The following ROBO1 variants were observed in gnomAD, a reference collection of about 807,000 sequenced individuals.
The protein encoded by ROBO1 is roundabout guidance receptor 1.
In ROBO1, 149 loss-of-function variants were observed where a neutral mutation model predicts 195.9. That is an observed-to-expected ratio of 0.76 (90% confidence interval 0.67 to 0.87). The LOEUF is 0.87. ROBO1 is among the 40% of genes least tolerant of loss of function. The pLI is 0.00. For missense variants in ROBO1, 1,933 were observed against 2,068.3 expected (o/e 0.93, Z 1.27); for synonymous variants, 816 against 733.2 (o/e 1.11, Z -1.82).
chr3:79,216,620 C>G (rs2082059890), intron 2 of ROBO1, among the ~76,000 whole-genome samples: 1 of 151,954 alleles, frequency 6.6e-6, no homozygotes, highest in African/African-American at 2.4e-5. Context: ...AACATACCAT[C>G]TACACTACAA....
chr3:79,272,756 C>T (rs1422283208), intron 2 of ROBO1, among the ~76,000 whole-genome samples: 4 of 152,052 alleles, frequency 2.6e-5, no homozygotes, highest in Non-Finnish European at 4.4e-5. Context: ...ATTCATCCCC[C>T]ACTTTAGCCC....
intron 28 of ROBO1, among the ~76,000 whole-genome samples, chr3:78,611,909 C>A (rs1253460046): frequency 1.3e-5 from 2 of 152,140 alleles, no homozygotes; most frequent in Admixed American, 6.6e-5. Flanking sequence ...TCAGAAGAAA[C>A]CACTCCTACT....
intron 5 of ROBO1, among the ~76,000 whole-genome samples, chr3:78,736,924 C>T (rs1467615076): frequency 6.6e-6 from 1 of 152,146 alleles, no homozygotes; most frequent in Non-Finnish European, 1.5e-5. Flanking sequence ...TTAACCAGTA[C>T]TTTGCATCTG....
At chr3:78,658,877 A>G (rs1014201291) in intron 17 of ROBO1, among the ~76,000 whole-genome samples, 2 of 152,134 alleles carry the variant, frequency 1.3e-5, no homozygotes, top group South Asian at 2.1e-4. Flanking sequence ...CAAAGCCACA[A>G]ACTGATTTTG....
intron 1 of ROBO1, among the ~76,000 whole-genome samples, chr3:79,698,772 C>T (rs1274365260): frequency 6.6e-6 from 1 of 151,470 alleles, no homozygotes; most frequent in Admixed American, 6.6e-5. Flanking sequence ...AGTGTTTAGT[C>T]AGGCAGCAAG....
At position 78,606,928 on chromosome 3, in the gene ROBO1, T is replaced by C; in HGVS notation, c.4549A>G (p.Arg1517Gly). ...TTTCTGTCTGATGATCTGTCTGTTC[T>C]TGCATCCATAGAAGGGAGTTTTGGC... Reference protein sequence around the residue: ...VVPKLPSMDARTDRSSDRKGS... With the variant: ...VVPKLPSMDAGTDRSSDRKGS... The change falls in exon 29 of 31, where the codon AGA becomes GGA. Residue 1517 changes from arginine (R) to glycine (G), a missense_variant. Physicochemically the swap from Arg to Gly is moderately radical, Grantham distance 125. Around this residue, in one of 3 missense-constraint regions of ROBO1, gnomAD observed 1,737 missense variants for 1,882.5 expected, o/e 0.92. Coordinates refer to ENST00000464233, the MANE Select transcript of ROBO1 (RefSeq NM_002941.4). The C allele has an allele frequency of 6.2e-7, 1 of 1,613,946 alleles. No individual in the cohort carries two copies. Among genetic ancestry groups the C allele is most frequent in the Non-Finnish European group, 8.5e-7 (1 of 1,179,888 alleles).
intron 3 of ROBO1, among the ~76,000 whole-genome samples, chr3:79,096,673 T>C (rs1356387144): frequency 6.6e-6 from 1 of 151,054 alleles, no homozygotes; most frequent in Non-Finnish European, 1.5e-5. Flanking sequence ...TATGTGTATA[T>C]ATATGTGTGT....
rs756968363 is a variant in ROBO1 at position 78,617,988 on chromosome 3, G to T, written c.3929C>A (p.Thr1310Asn). Residue 1310 changes from threonine (T) to asparagine (N), a missense_variant, in exon 27 of 31, where the codon ACC becomes AAC. By Grantham distance (65) the Thr-to-Asn change is moderately conservative (BLOSUM62 0). Transcript: ENST00000464233. ...CAGGGGTCCTGAAATGTAGCCATAG[G>T]TATGTGGAGGGGAGATCGGCCGTGG... is the stretch of plus-strand genomic sequence containing the variant. ...PPPRPISPPH[T>N]YGYISGPLVS... 2 of 1,613,870 alleles carry T rather than the reference G, an allele frequency of 1.2e-6. No homozygotes were observed. Among genetic ancestry groups the T allele is most frequent in the African/African-American group, 1.3e-5 (1 of 74,936 alleles).
chr3:78,913,329 T>C (rs1250500462), intron 4 of ROBO1, among the ~76,000 whole-genome samples: 1 of 152,126 alleles, frequency 6.6e-6, no homozygotes, highest in Non-Finnish European at 1.5e-5. Flanking sequence ...TGTGGCCCTT[T>C]TATATTTACA....
chr3:78,693,747 A>G (rs908418794), intron 8 of ROBO1, among the ~76,000 whole-genome samples: 5 of 152,224 alleles, frequency 3.3e-5, no homozygotes, highest in Admixed American at 3.3e-4. Flanking sequence ...GAAATCAAAA[A>G]TTGATTATTT....
chr3:79,159,381 C>T (rs187609434), intron 2 of ROBO1, among the ~76,000 whole-genome samples: 74 of 151,994 alleles, frequency 4.9e-4, no homozygotes, highest in Admixed American at 2.0e-3. Flanking sequence ...AAGTTTGTAT[C>T]AATAGTGTTG....
chr3:79,057,438 A>G (rs952454020), intron 3 of ROBO1, among the ~76,000 whole-genome samples: 1 of 152,066 alleles, frequency 6.6e-6, no homozygotes, highest in African/African-American at 2.4e-5. Flanking sequence ...CATCCGTGTC[A>G]GAGACCACCC....
In ROBO1 at chr3:79,197,544, A is replaced by C. The variant is rs148800759; in HGVS notation, c.89-72005T>G. On this transcript the variant is annotated intron_variant, in intron 2 of 30. Coordinates refer to ENST00000464233, the MANE Select transcript of ROBO1 (RefSeq NM_002941.4). ...AGTAGAATGATTTATAATCCTTTGG[A>C]TATATACCCAGTAATGGGATTGCTG... 8.6e-3 allele frequency among the ~76,000 whole-genome samples: 1,314 copies of C among 151,920 alleles called. 25 individuals are homozygous for C. The highest frequency in any genetic ancestry group is 0.03 in the African/African-American group (1,252 of 41,484).
At chr3:79,638,028 A>G (rs1945547622) in intron 1 of ROBO1, among the ~76,000 whole-genome samples, 1 of 152,182 alleles carries the variant, frequency 6.6e-6, no homozygotes. Context: ...GTTGAACAGA[A>G]CCTAATGCAA....
chr3:78,899,741 C>G (rs2037470827), intron 4 of ROBO1, among the ~76,000 whole-genome samples: 1 of 152,076 alleles, frequency 6.6e-6, no homozygotes, highest in Admixed American at 6.5e-5. Flanking sequence ...CACTATTTCT[C>G]TCATTTTCTG....
intron 2 of ROBO1, among the ~76,000 whole-genome samples, chr3:79,530,755 C>CCA (rs59568172): frequency 0.12 from 15,264 of 127,996 alleles, 897 homozygotes; most frequent in East Asian, 0.14. Flanking sequence ...CACCTTGTAA[C>CCA]CACACACACA....
rs528936380 is a variant in ROBO1, at chr3:78,976,859, C to T, written c.173-37932G>A. 1.3e-4 allele frequency among the ~76,000 whole-genome samples: 20 copies of T among 152,236 alleles called. No individual in the cohort carries two copies. In the East Asian group the frequency reaches 2.3e-3, roughly 18 times the overall value. On this transcript the variant is annotated intron_variant, in intron 3 of 30. Coordinates refer to ENST00000464233, the MANE Select transcript of ROBO1 (RefSeq NM_002941.4). ...AACAATATATTAATTTTCTCCAAAA[C>T]GTCTTTAAAGACCACTATATATGGT... is the stretch of plus-strand genomic sequence containing the variant.
At chr3:79,758,761 G>C (rs768729237) in intron 1 of ROBO1, among the ~76,000 whole-genome samples, 25 of 152,122 alleles carry the variant, frequency 1.6e-4, no homozygotes, top group Non-Finnish European at 3.2e-4. Context: ...GAGACAGGTG[G>C]GGAAAGGGAA....
intron 4 of ROBO1, among the ~76,000 whole-genome samples, chr3:78,891,413 T>C (rs1272087694): frequency 6.6e-6 from 1 of 152,106 alleles, no homozygotes; most frequent in African/African-American, 2.4e-5. Context: ...GTGAGAGATA[T>C]CTCATATCCA....
Sources: allele counts gnomAD v4.1 joint callset (sites outside exome capture counted in the v4.1 genomes callset), GRCh38; gene constraint gnomAD v4.1.1; regional missense constraint gnomAD v4.1.1; transcripts MANE v1.5; gene names NCBI Gene and HGNC (gene_info 2026-07-23, HGNC 2026-07-21).